The following SEMA3A variants were observed in gnomAD, a reference collection of about 807,000 sequenced individuals.
SEMA3A encodes the protein semaphorin-3A.
SEMA3A carries 29 observed loss-of-function variants against 97.9 expected under a neutral mutation model. The observed-to-expected ratio is 0.30, with a 90% CI of 0.22 to 0.40. SEMA3A has a LOEUF of 0.40. Among genes scored for constraint, SEMA3A ranks in the 10% least tolerant of loss-of-function variants. The pLI is 1.00. For missense variants in SEMA3A, 763 were observed against 951.3 expected (o/e 0.80, Z 2.60); for synonymous variants, 321 against 323.7 (o/e 0.99, Z 0.09).
intron 1 of SEMA3A, among the ~76,000 whole-genome samples, chr7:84,441,815 T>A (rs1805281470): frequency 6.6e-6 from 1 of 152,154 alleles, no homozygotes; most frequent in Admixed American, 6.5e-5. Flanking sequence ...ACACAAGACA[T>A]CCTCAGTTAG....
chr7:84,090,742 G>A (rs939971928), intron 4 of SEMA3A, among the ~76,000 whole-genome samples: 7 of 151,988 alleles, frequency 4.6e-5, no homozygotes, highest in Non-Finnish European at 8.8e-5. Context: ...TATCAAATAT[G>A]TAAAATATTC....
intron 1 of SEMA3A, among the ~76,000 whole-genome samples, chr7:84,440,706 CA>C (rs1371994446): frequency 3.3e-5 from 5 of 152,044 alleles, no homozygotes; most frequent in South Asian, 2.1e-4. Context: ...AGCACAGAGA[CA>C]GCTTACAACA....
intron 2 of SEMA3A, among the ~76,000 whole-genome samples, chr7:84,368,522 T>C (rs1802902937): frequency 6.6e-6 from 1 of 150,980 alleles, no homozygotes; most frequent in Admixed American, 6.6e-5. Flanking sequence ...TATGTTATTG[T>C]TTTAATGTAC....
rs560502807 is a variant in SEMA3A at position 84,088,020 on chromosome 7, C to G, written c.453+22450G>C. ...GGATCTTGTAGCACTTTGTAAGTAA[C>G]TGTATTATACCAGTCATTGCTCTAT... On this transcript the variant is annotated intron_variant, in intron 4 of 16. Coordinates refer to ENST00000265362, the MANE Select transcript of SEMA3A (RefSeq NM_006080.3). Among the ~76,000 whole-genome samples the G allele has an allele frequency of 2.4e-4, 37 of 152,246 alleles. 1 individual carries two copies. The South Asian group carries it at 7.0e-3, about 29-fold the overall frequency.
intron 2 of SEMA3A, among the ~76,000 whole-genome samples, chr7:84,365,897 ATCT>A (rs1018671171): frequency 2.6e-5 from 4 of 151,454 alleles, no homozygotes; most frequent in South Asian, 2.1e-4. Flanking sequence ...TAAATATTTT[ATCT>A]TAAGTTAAAT....
intron 1 of SEMA3A, among the ~76,000 whole-genome samples, chr7:84,414,239 G>GCATAT (rs1804363906): frequency 6.6e-6 from 1 of 151,866 alleles, no homozygotes; most frequent in African/African-American, 2.4e-5. Context: ...GAACATCTAT[G>GCATAT]CATATATCTT....
At chr7:84,415,830 G>A (rs905751892) in intron 1 of SEMA3A, among the ~76,000 whole-genome samples, 6 of 139,814 alleles carry the variant, frequency 4.3e-5, no homozygotes, top group African/African-American at 1.1e-4. Context: ...CAGTGACAGC[G>A]TTTTTGTATT....
At chr7:84,084,279 T>C (rs1794258805) in intron 4 of SEMA3A, among the ~76,000 whole-genome samples, 1 of 152,118 alleles carries the variant, frequency 6.6e-6, no homozygotes, top group South Asian at 2.1e-4. Context: ...AATGACTACC[T>C]GGCTATTGTT....
At chr7:84,064,100 G>A (rs1469747385) in intron 4 of SEMA3A, among the ~76,000 whole-genome samples, 2 of 152,050 alleles carry the variant, frequency 1.3e-5, no homozygotes, top group Non-Finnish European at 2.9e-5. Context: ...CCAGAAGAGA[G>A]GGGGGGCCAA....
intron 1 of SEMA3A, among the ~76,000 whole-genome samples, chr7:84,402,940 G>C (rs769151382): frequency 2.0e-5 from 3 of 151,940 alleles, no homozygotes; most frequent in Admixed American, 1.3e-4. Flanking sequence ...AAGACAGGTT[G>C]GTTTACAAAA....
intron 3 of SEMA3A, among the ~76,000 whole-genome samples, chr7:84,303,606 G>A (rs1801080137): frequency 1.3e-5 from 2 of 151,880 alleles, no homozygotes; most frequent in East Asian, 3.9e-4. Context: ...CCTGGCACTG[G>A]TTCAATTTAG....
intron 2 of SEMA3A, among the ~76,000 whole-genome samples, chr7:84,354,410 G>C (rs945800307): frequency 6.6e-6 from 1 of 151,560 alleles, no homozygotes; most frequent in Non-Finnish European, 1.5e-5. Flanking sequence ...AAGATGGTAT[G>C]AATCTGTATT....
chr7:83,990,041 T>C (rs1462686957), intron 12 of SEMA3A, among the ~76,000 whole-genome samples: 2 of 151,988 alleles, frequency 1.3e-5, no homozygotes, highest in Non-Finnish European at 2.9e-5. Flanking sequence ...CTCATTGTGG[T>C]TTTGATTTGC....
intron 5 of SEMA3A, among the ~76,000 whole-genome samples, chr7:84,047,252 AAAG>A (rs1458515029): frequency 6.6e-6 from 1 of 152,030 alleles, no homozygotes; most frequent in African/African-American, 2.4e-5. Context: ...TCCAGACGGT[AAAG>A]AATAGAAGGG....
In SEMA3A at chr7:83,994,888, G is replaced by T. The variant is rs1790140842; in HGVS notation, c.1452+7067C>A. Among the ~76,000 whole-genome samples, 5 of 152,094 alleles carry T rather than the reference G, an allele frequency of 3.3e-5. No individual in the cohort carries two copies. In the South Asian group the frequency reaches 8.3e-4, roughly 25 times the overall value. On this transcript the variant is annotated intron_variant, in intron 12 of 16. Coordinates refer to ENST00000265362, the MANE Select transcript of SEMA3A (RefSeq NM_006080.3). The stretch of plus-strand genomic sequence containing the variant: ...TGCTTTGTTTACCTAATCAAGCCTG[G>T]GCAATGGCGGGCACCCCTCCCCCAG...
chr7:84,071,887 G>A (rs1279542650), intron 4 of SEMA3A, among the ~76,000 whole-genome samples: 1 of 152,108 alleles, frequency 6.6e-6, no homozygotes, highest in Non-Finnish European at 1.5e-5. Flanking sequence ...GGTTGGAAGA[G>A]ACTGTGGAAA....
At chr7:84,211,129 G>A (rs1004875156) in intron 3 of SEMA3A, among the ~76,000 whole-genome samples, 1 of 152,034 alleles carries the variant, frequency 6.6e-6, no homozygotes, top group African/African-American at 2.4e-5. Flanking sequence ...ACTCATTCTC[G>A]TTCTTTAGTT....
chr7:84,212,325 A>T (rs1276642618), intron 3 of SEMA3A, among the ~76,000 whole-genome samples: 1 of 152,262 alleles, frequency 6.6e-6, no homozygotes, highest in Non-Finnish European at 1.5e-5. Flanking sequence ...ACTATTTAGA[A>T]CACACAGTTT....
At chr7:84,425,638 G>A (rs1008246324) in intron 1 of SEMA3A, among the ~76,000 whole-genome samples, 7 of 146,072 alleles carry the variant, frequency 4.8e-5, no homozygotes, top group African/African-American at 1.7e-4. Flanking sequence ...AAATATAAAC[G>A]TATAAATATA....
Sources: allele counts gnomAD v4.1 joint callset (sites outside exome capture counted in the v4.1 genomes callset), GRCh38; gene constraint gnomAD v4.1.1; transcripts MANE v1.5; gene names NCBI Gene and HGNC (gene_info 2026-07-23, HGNC 2026-07-21).